WWC2: variants seen among roughly 807,000 people sequenced by gnomAD.
WWC2 encodes the protein WW and C2 domain containing 2.
WWC2 carries 101 observed loss-of-function variants against 138.5 expected under a neutral mutation model. The ratio of observed to expected loss-of-function variants is 0.73; its 90% CI spans 0.62 to 0.86. WWC2 has a LOEUF of 0.86. Ranked by LOEUF, WWC2 falls within the 40% of genes least tolerant of loss-of-function variation. The probability of loss-of-function intolerance (pLI) is 0.00; values close to 1 mark genes in which losing one functional copy is unlikely to be tolerated. For missense variants in WWC2, 1,420 were observed against 1,419.4 expected (o/e 1.00, Z -0.01); for synonymous variants, 558 against 538.4 (o/e 1.04, Z -0.50).
chr4:183,168,178 C>CTTTCT (rs1554068905), intron 1 of WWC2, among the ~76,000 whole-genome samples: 2,443 of 138,732 alleles, frequency 0.018, 77 homozygotes, highest in African/African-American at 0.055. Context: ...TCTTTTCTTT[C>CTTTCT]TTTTTTTTTT....
At chr4:183,247,876 C>T (rs1298360237) in intron 6 of WWC2, among the ~76,000 whole-genome samples, 1 of 146,702 alleles carries the variant, frequency 6.8e-6, no homozygotes, top group East Asian at 2.0e-4. Context: ...TTTCTAATTC[C>T]TCCTAATCAT....
intron 1 of WWC2, among the ~76,000 whole-genome samples, chr4:183,124,343 T>G (rs1732692201): frequency 6.6e-6 from 1 of 151,960 alleles, no homozygotes; most frequent in East Asian, 1.9e-4. Context: ...ATTTATAGCT[T>G]TATGTATTTG....
chr4:183,136,099 A>G, intron 1 of WWC2, among the ~76,000 whole-genome samples: 1 of 151,816 alleles, frequency 6.6e-6, no homozygotes, highest in East Asian at 1.9e-4. Flanking sequence ...ATTGCTTTCT[A>G]TTGATGCTTC....
At chr4:183,207,204 A>G (rs925025384) in intron 2 of WWC2, among the ~76,000 whole-genome samples, 1 of 151,108 alleles carries the variant, frequency 6.6e-6, no homozygotes, top group Admixed American at 6.6e-5. Context: ...TTTTTTTTTT[A>G]AAAGGGTCTC....
At chr4:183,106,938 A>G (rs1279411510) in intron 1 of WWC2, among the ~76,000 whole-genome samples, 4 of 152,108 alleles carry the variant, frequency 2.6e-5, no homozygotes, top group African/African-American at 4.8e-5. Flanking sequence ...CAGTATATAC[A>G]TGTCTAAAAG....
chr4:183,218,833 A>G (rs1360808471), intron 4 of WWC2, among the ~76,000 whole-genome samples: 4 of 152,234 alleles, frequency 2.6e-5, no homozygotes, highest in African/African-American at 9.6e-5. Flanking sequence ...GTATATTCAC[A>G]TTATGGAGGG....
intron 5 of WWC2, among the ~76,000 whole-genome samples, chr4:183,241,052 A>G (rs1282958163): frequency 6.6e-6 from 1 of 152,198 alleles, no homozygotes; most frequent in Non-Finnish European, 1.5e-5. Context: ...ATGGGAGAGA[A>G]GCAGTCCATG....
intron 11 of WWC2, among the ~76,000 whole-genome samples, chr4:183,263,193 A>T (rs1450772360): frequency 6.6e-6 from 1 of 152,188 alleles, no homozygotes; most frequent in African/African-American, 2.4e-5. Context: ...TTGACCTTTC[A>T]AGGTAGTTTT....
intron 4 of WWC2, among the ~76,000 whole-genome samples, chr4:183,220,917 A>T (rs1272992674): frequency 6.6e-6 from 1 of 152,140 alleles, no homozygotes; most frequent in Non-Finnish European, 1.5e-5. Flanking sequence ...TAGTTAACCC[A>T]AAAGAAGGCA....
At position 183,289,468 on chromosome 4, in the gene WWC2, C is replaced by A; in HGVS notation, c.3217C>A (p.Leu1073Ile). Residue 1073 changes from leucine (L) to isoleucine (I), a missense_variant, in exon 21 of 23, where the codon CTT (leucine) becomes ATT (isoleucine). By Grantham distance (5) the Leu-to-Ile change is conservative. Coordinates refer to ENST00000403733, the MANE Select transcript of WWC2 (RefSeq NM_024949.6). ...GACATCTCTAGACTTAGAACTGGAC[C>A]TTCAGGCATCTCTGACCCGGCAGAG... ...VRTSLDLELD[L>I]QASLTRQSRL... 6.2e-7 allele frequency: 1 copy of A among 1,613,472 alleles called. No individual in the cohort carries two copies. Among genetic ancestry groups the A allele is most frequent in the Non-Finnish European group, 8.5e-7 (1 of 1,179,664 alleles).
intron 1 of WWC2, among the ~76,000 whole-genome samples, chr4:183,113,056 T>C (rs1234608264): frequency 3.3e-5 from 5 of 152,096 alleles, no homozygotes; most frequent in African/African-American, 9.7e-5. Context: ...GTGGATCACC[T>C]GAGGTCAGGA....
At chr4:183,187,639 G>A (rs1401863481) in intron 1 of WWC2, among the ~76,000 whole-genome samples, 3 of 151,052 alleles carry the variant, frequency 2.0e-5, no homozygotes, top group Non-Finnish European at 4.4e-5. Context: ...GGGAGGCCAA[G>A]GTGGGTAGAT....
At chr4:183,255,891 T>TTA (rs1737120045) in intron 9 of WWC2, among the ~76,000 whole-genome samples, 1 of 151,364 alleles carries the variant, frequency 6.6e-6, no homozygotes, top group Non-Finnish European at 1.5e-5. Context: ...TTTTTTTTTT[T>TTA]AACGAACAGC....
chr4:183,280,852 A>G lies in WWC2; in HGVS notation c.2639A>G (p.Glu880Gly). Reference protein sequence around the residue: ...AVEQELAQEEEEESGQEEPRG... With the variant: ...AVEQELAQEEGEESGQEEPRG... Reference sequence around the variant, plus strand: ...GAACAAGAATTAGCACAAGAAGAAGAAGAAGAATCAGGACAAGAAGAGCCA... The same window carrying G: ...GAACAAGAATTAGCACAAGAAGAAGGAGAAGAATCAGGACAAGAAGAGCCA... The change falls in exon 17 of 23, where the codon GAA becomes GGA. Residue 880 changes from glutamate to glycine, a missense_variant. Coordinates refer to ENST00000403733, the MANE Select transcript of WWC2 (RefSeq NM_024949.6). 1 of 1,591,370 alleles carries G rather than the reference A, an allele frequency of 6.3e-7. No homozygotes were observed. Among genetic ancestry groups the G allele is most frequent in the East Asian group, 2.3e-5 (1 of 44,238 alleles).
At chr4:183,171,609 CTT>C (rs1487269854) in intron 1 of WWC2, among the ~76,000 whole-genome samples, 1 of 151,736 alleles carries the variant, frequency 6.6e-6, no homozygotes, top group Non-Finnish European at 1.5e-5. Context: ...GATTTTAAAA[CTT>C]TACGTTAATC....
rs1448857276 is a variant in WWC2, at chr4:183,289,583, G to A, written c.3332G>A (p.Gly1111Asp). ...KAQGETDLPP[G>D]VLEDERFQRL... is the part of the protein sequence containing the mutation. ...CAGGGAGAGACTGACCTTCCACCAG[G>A]CGTGCTGGAGGATGAGAGGTTCCAG... Residue 1111 changes from glycine (G) to aspartate (D), a missense_variant, in exon 21 of 23, where the codon GGC becomes GAC. By Grantham distance (94) the Gly-to-Asp change is moderately conservative (BLOSUM62 -1). Transcript: ENST00000403733. The A allele has an allele frequency of 6.2e-7, 1 of 1,613,942 alleles. No homozygotes were observed. Among genetic ancestry groups the A allele is most frequent in the Non-Finnish European group, 8.5e-7 (1 of 1,179,884 alleles).
intron 16 of WWC2, among the ~76,000 whole-genome samples, chr4:183,279,448 G>A (rs1407799689): frequency 1.3e-5 from 2 of 151,938 alleles, no homozygotes; most frequent in Non-Finnish European, 2.9e-5. Context: ...TTTTTTTGTT[G>A]TGTCTCTGCC....
intron 1 of WWC2, among the ~76,000 whole-genome samples, chr4:183,151,332 G>A (rs868504556): frequency 2.0e-5 from 3 of 152,220 alleles, no homozygotes; most frequent in Non-Finnish European, 4.4e-5. Flanking sequence ...CTGCATAAAT[G>A]TCTTCTTTTG....
At chr4:183,130,425 G>T (rs1321515871) in intron 1 of WWC2, among the ~76,000 whole-genome samples, 1 of 152,158 alleles carries the variant, frequency 6.6e-6, no homozygotes, top group Non-Finnish European at 1.5e-5. Context: ...GGTGTTTATT[G>T]TGATCTTCAT....
Sources: gnomAD v4.1 joint callset for allele counts (sites outside exome capture counted in the v4.1 genomes callset) on GRCh38, gnomAD v4.1.1 for gene constraint, MANE v1.5 for transcripts, NCBI Gene and HGNC (gene_info 2026-07-23, HGNC 2026-07-21) for gene names.